Variants in RGS10 observed in about 807,000 individuals in gnomAD.
The protein encoded by RGS10 is regulator of G-protein signalling 10.
Under a neutral mutation model 23.5 loss-of-function variants are expected in RGS10, and 11 were observed. The ratio of observed to expected loss-of-function variants is 0.47; its 90% CI spans 0.29 to 0.77. The LOEUF (loss-of-function observed/expected upper bound fraction) is 0.77. Ranked by LOEUF, RGS10 falls within the 30% of genes least tolerant of loss-of-function variation. The pLI, the probability that RGS10 is intolerant of heterozygous loss-of-function variation, is 0.08. For missense variants in RGS10, 180 were observed against 226.3 expected (o/e 0.80, Z 1.31); for synonymous variants, 77 against 83.2 (o/e 0.92, Z 0.41).
intron 1 of RGS10, among the ~76,000 whole-genome samples, chr10:119,537,322 C>G (rs1844398358): frequency 6.7e-6 from 1 of 149,744 alleles, no homozygotes; most frequent in African/African-American, 2.5e-5. Flanking sequence ...GTAGAGGTTG[C>G]CGTGAGCCGA....
intron 3 of RGS10, among the ~76,000 whole-genome samples, chr10:119,521,613 G>A (rs1844216740): frequency 4.5e-5 from 3 of 66,692 alleles, no homozygotes; most frequent in Admixed American, 1.5e-4. Flanking sequence ...AAGAAAGAAA[G>A]GAAGGAAGGA....
intron 3 of RGS10, among the ~76,000 whole-genome samples, chr10:119,521,283 G>A (rs1264117816): frequency 6.6e-6 from 1 of 152,016 alleles, no homozygotes; most frequent in Non-Finnish European, 1.5e-5. Context: ...GAAAAGAAAA[G>A]AAAATTGCTG....
chr10:119,537,837 G>A (rs375950057), intron 1 of RGS10, among the ~76,000 whole-genome samples: 2 of 152,140 alleles, frequency 1.3e-5, no homozygotes, highest in Non-Finnish European at 2.9e-5. Context: ...TTTTGCTTTT[G>A]CTTTGAAATA....
At chr10:119,515,717 C>T in intron 3 of RGS10, 65 bp from the exon 4 acceptor site, 2 of 1,590,818 alleles carry the variant, frequency 1.3e-6, no homozygotes, top group African/African-American at 2.7e-5. Flanking sequence ...GAGCCCTGCT[C>T]TCCCCTCCAG....
chr10:119,504,746 C>T (rs149281035), intron 4 of RGS10, among the ~76,000 whole-genome samples: 1 of 152,214 alleles, frequency 6.6e-6, no homozygotes, highest in Non-Finnish European at 1.5e-5. Flanking sequence ...AGGGAGACAT[C>T]GGTGATGCAG....
intron 4 of RGS10, among the ~76,000 whole-genome samples, chr10:119,506,295 G>A (rs1844011604): frequency 1.3e-5 from 2 of 152,250 alleles, no homozygotes; most frequent in African/African-American, 4.8e-5. Context: ...ATGAGCAGAC[G>A]AAGCAGCTCA....
chr10:119,519,874 C>G (rs28449191), intron 3 of RGS10, among the ~76,000 whole-genome samples: 18,404 of 152,234 alleles, frequency 0.12, 1,560 homozygotes, highest in African/African-American at 0.23. Flanking sequence ...TCCATGTCCC[C>G]CCCAGATTTC....
intron 2 of RGS10, among the ~76,000 whole-genome samples, chr10:119,526,891 G>T (rs562010379): frequency 2.0e-5 from 3 of 152,098 alleles, no homozygotes; most frequent in South Asian, 2.1e-4. Context: ...GCTCTCGGAG[G>T]TCCCTTCGCC....
In RGS10 at chr10:119,510,984, C is replaced by T. The variant is rs550113439; in HGVS notation, c.399+4525G>A. Among the ~76,000 whole-genome samples, 24 of 152,254 alleles carry T rather than the reference C, an allele frequency of 1.6e-4. 1 individual carries two copies. In the South Asian group the frequency reaches 5.0e-3, roughly 32 times the overall value. On this transcript the variant is annotated intron_variant, in intron 4 of 4. Transcript: ENST00000369103. Reference sequence around the variant, plus strand: ...CTGCCCGCCTCGGCCTCCCAAAGTGCTGGGATTACAGGTGTGAGCCACCAC... The same window carrying T: ...CTGCCCGCCTCGGCCTCCCAAAGTGTTGGGATTACAGGTGTGAGCCACCAC...
At chr10:119,525,152 G>A (rs7068693) in intron 3 of RGS10, among the ~76,000 whole-genome samples, 19,451 of 152,110 alleles carry the variant, frequency 0.13, 1,906 homozygotes, top group African/African-American at 0.26. Context: ...AGAAAAACAG[G>A]CGGTACTAGG....
chr10:119,514,434 G>C (rs995167536), intron 4 of RGS10, among the ~76,000 whole-genome samples: 1 of 152,056 alleles, frequency 6.6e-6, no homozygotes, highest in Non-Finnish European at 1.5e-5. Flanking sequence ...AAGGAGGGTG[G>C]ATCACTTGAG....
rs746174094 is a variant in RGS10, at chr10:119,500,202, A to C, written c.457T>G (p.Leu153Val). The change falls in exon 5 of 5, where the codon TTA becomes GTA. Residue 153 changes from leucine to valine, a missense_variant. Physicochemically the swap from Leu to Val is conservative, Grantham distance 32 (BLOSUM62 1). Coordinates refer to ENST00000369103, the MANE Select transcript of RGS10 (RefSeq NM_001005339.2). ...YSRFLKSDLF[L>V]KHKRTEEEEE... is the part of the protein sequence containing the mutation. Reference sequence around the variant, plus strand: ...TCTTCCTCGGTTCGCTTGTGTTTTAAAAACAAGTCAGACTTTAAGAAGCGG... The same window carrying C: ...TCTTCCTCGGTTCGCTTGTGTTTTACAAACAAGTCAGACTTTAAGAAGCGG... 19 of 1,614,146 alleles carry C rather than the reference A, an allele frequency of 1.2e-5. No individual in the cohort carries two copies. Among genetic ancestry groups the C allele is most frequent in the Non-Finnish European group, 1.6e-5 (19 of 1,180,034 alleles).
rs1415506915 is a variant in RGS10 at position 119,518,013 on chromosome 10, G to A, written c.256-2361C>T. On this transcript the variant is annotated intron_variant, in intron 3 of 4. Transcript: ENST00000369103. ...TGACTGAAAAGGGAAACCCTGAGAC[G>A]GCGACCACAAGCCAGTCACGGGAAG... 9.2e-5 allele frequency among the ~76,000 whole-genome samples: 14 copies of A among 152,284 alleles called. No homozygotes were observed. The South Asian group carries it at 1.5e-3, about 16-fold the overall frequency.
intron 1 of RGS10, among the ~76,000 whole-genome samples, chr10:119,539,534 C>T (rs1844418478): frequency 1.3e-5 from 2 of 152,112 alleles, no homozygotes; most frequent in South Asian, 4.1e-4. Context: ...GGACAGAATC[C>T]CGTTGGGGGA....
At chr10:119,536,349 A>T in intron 1 of RGS10, 1 of 894,772 alleles carries the variant, frequency 1.1e-6, no homozygotes, top group Non-Finnish European at 1.7e-6. Context: ...GCCCTTCCAC[A>T]GTCACCTGTG....
chr10:119,502,235 C>T (rs2063996456), intron 4 of RGS10, among the ~76,000 whole-genome samples: 1 of 152,182 alleles, frequency 6.6e-6, no homozygotes, highest in South Asian at 2.1e-4. Context: ...TGGCCTCCCA[C>T]CGACGTGCTA....
intron 4 of RGS10, among the ~76,000 whole-genome samples, chr10:119,514,531 G>A (rs936218060): frequency 2.0e-5 from 3 of 151,510 alleles, no homozygotes; most frequent in East Asian, 1.9e-4. Context: ...GGTGGTGGGC[G>A]CCTGTAATTC....
chr10:119,520,071 C>G (rs1433103079), intron 3 of RGS10, among the ~76,000 whole-genome samples: 1 of 152,240 alleles, frequency 6.6e-6, no homozygotes, highest in East Asian at 1.9e-4. Context: ...CTCCCCACCC[C>G]CATCCCGTCT....
intron 4 of RGS10, among the ~76,000 whole-genome samples, chr10:119,512,553 A>ATT (rs1432081833): frequency 3.3e-5 from 5 of 150,438 alleles, no homozygotes; most frequent in African/African-American, 1.2e-4. Flanking sequence ...AATTAAAAAA[A>ATT]ATTTTTTTTT....
Sources: allele counts gnomAD v4.1 joint callset (sites outside exome capture counted in the v4.1 genomes callset), GRCh38; gene constraint gnomAD v4.1.1; transcripts MANE v1.5; gene names NCBI Gene and HGNC (gene_info 2026-07-23, HGNC 2026-07-21).